Variants in KCNU1 observed in about 807,000 individuals in gnomAD.
The protein encoded by KCNU1 is potassium calcium-activated channel subfamily U member 1, also known as potassium channel subfamily U member 1.
KCNU1 carries 93 observed loss-of-function variants against 126.8 expected under a neutral mutation model. That is an observed-to-expected ratio of 0.73 (90% CI 0.62 to 0.87). KCNU1 has a LOEUF of 0.87. KCNU1 is among the 40% of genes least tolerant of loss of function. KCNU1 has a pLI of 0.00. For missense variants in KCNU1, 1,330 were observed against 1,367.1 expected (o/e 0.97, Z 0.43); for synonymous variants, 523 against 494.2 (o/e 1.06, Z -0.77).
At chr8:36,815,760 T>C (rs760390101) in intron 9 of KCNU1, 73 bp downstream of exon 9, 2 of 861,386 alleles carry the variant, frequency 2.3e-6, no homozygotes, top group Non-Finnish European at 3.7e-6. Context: ...TCTAGACATC[T>C]ATTGTCTGGC....
chr8:36,870,517 G>A (rs1806063842), intron 19 of KCNU1, among the ~76,000 whole-genome samples: 1 of 152,094 alleles, frequency 6.6e-6, no homozygotes, highest in East Asian at 1.9e-4. Flanking sequence ...TAGCCTCAAT[G>A]ATGTCTGAAC....
Position 36,886,011 on chromosome 8 carries a change from C to A in KCNU1, c.2010-19697C>A, listed in dbSNP as rs181674221. Among the ~76,000 whole-genome samples, 254 of 152,258 alleles carry A rather than the reference C, an allele frequency of 1.7e-3. 3 individuals carry two copies. The highest frequency in any genetic ancestry group is 0.013 in the South Asian group (63 of 4,822). Reference sequence around the variant, plus strand: ...CTCCAAAAACAGACCCACGAAAAATCTGAGACTTCATCATACAATCATATA... The same window carrying A: ...CTCCAAAAACAGACCCACGAAAAATATGAGACTTCATCATACAATCATATA... On this transcript the variant is annotated intron_variant, in intron 19 of 26. Transcript: ENST00000399881.
At chr8:36,826,202 A>ATTTAT (rs1222096567) in intron 10 of KCNU1, among the ~76,000 whole-genome samples, 24 of 147,436 alleles carry the variant, frequency 1.6e-4, no homozygotes, top group Non-Finnish European at 3.3e-4. Context: ...ATTTTTTATT[A>ATTTAT]TTTATTTTAT....
chr8:36,808,790 C>T lies in KCNU1; in HGVS notation c.729C>T (p.His243=). Residue 243 remains histidine (H), a synonymous_variant, in exon 7 of 27, where the codon CAC becomes CAT. Transcript: ENST00000399881. ...GGTTCACAGCTGCGGGATTCATTCA[C>T]CTGGTAAGCATCTCATCACAATCCC... is the stretch of plus-strand genomic sequence containing the variant. ...STWFTAAGFI[H]LVENSGDPWL... 5 of 1,607,906 alleles carry T rather than the reference C, an allele frequency of 3.1e-6. No individual in the cohort carries two copies. Among genetic ancestry groups the T allele is most frequent in the Non-Finnish European group, 4.3e-6 (5 of 1,175,670 alleles).
In KCNU1 at chr8:36,910,999, T is replaced by TC; in HGVS notation, c.2408dup (p.Pro804ThrfsTer27). The stretch of plus-strand genomic sequence containing the variant: ...GCAATGCTCCATGTGTGCTGTCTTG[T>TC]CCCCCCCACCCCAGCCATCAAGCAA... On this transcript the variant is annotated frameshift_variant, in exon 22 of 27. Transcript: ENST00000399881. LOFTEE classifies it high-confidence loss of function. The TC allele has an allele frequency of 1.2e-6, 2 of 1,612,212 alleles. No individual in the cohort carries two copies. The highest frequency in any genetic ancestry group is 2.2e-5 in the South Asian group (2 of 90,974).
At chr8:36,896,247 T>C (rs1173717510) in intron 19 of KCNU1, among the ~76,000 whole-genome samples, 1 of 152,026 alleles carries the variant, frequency 6.6e-6, no homozygotes, top group African/African-American at 2.4e-5. Flanking sequence ...CGATTTAGCC[T>C]CTTGGCCTGA....
intron 24 of KCNU1, among the ~76,000 whole-genome samples, chr8:36,923,764 T>A (rs1355035287): frequency 2.6e-5 from 4 of 152,182 alleles, no homozygotes; most frequent in Non-Finnish European, 5.9e-5. Flanking sequence ...CTTAAACTTA[T>A]ACCCAATTTG....
intron 22 of KCNU1, among the ~76,000 whole-genome samples, chr8:36,917,695 T>C (rs1286791810): frequency 6.6e-6 from 1 of 152,150 alleles, no homozygotes; most frequent in Non-Finnish European, 1.5e-5. Flanking sequence ...TTAGTTTAAG[T>C]TGGAGACTAA....
rs550311342 is a variant in KCNU1 at position 36,907,504 on chromosome 8, CAATT to C, written c.2106+1702_2106+1705del. On this transcript the variant is annotated intron_variant, in intron 20 of 26. Coordinates refer to ENST00000399881, the MANE Select transcript of KCNU1 (RefSeq NM_001031836.3). ...TAAAACTAATCGGATTAGCTAGAGACAATTATTTAATAGATTTGGTTAAGATTCA... is the reference window on the plus strand; with the variant it reads ...TAAAACTAATCGGATTAGCTAGAGACATTTAATAGATTTGGTTAAGATTCA... Among the ~76,000 whole-genome samples, 573 of 152,228 alleles carry C rather than the reference CAATT, an allele frequency of 3.8e-3. 7 individuals are homozygous for C. Among genetic ancestry groups the C allele is most frequent in the African/African-American group, 0.013 (561 of 41,564 alleles).
Position 36,802,108 on chromosome 8 carries a change from CAAAAAAA to C in KCNU1, c.316-1901_316-1895del, listed in dbSNP as rs749026223. ...TGGGGAAAAGAGCGAAACTCCGTCT[CAAAAAAA>C]AAAAAAAAAAAAAAAAAGGAACTTA... On this transcript the variant is annotated intron_variant, in intron 2 of 26. Coordinates refer to ENST00000399881, the MANE Select transcript of KCNU1 (RefSeq NM_001031836.3). Among the ~76,000 whole-genome samples the C allele has an allele frequency of 1.1e-3, 76 of 72,354 alleles. 1 individual carries two copies. Among genetic ancestry groups the C allele is most frequent in the South Asian group, 0.01 (17 of 1,694 alleles). 47.5% of individuals were successfully genotyped at this position (72,354 alleles called of 152,430 possible).
Position 36,834,257 on chromosome 8 carries a change from A to T in KCNU1, c.1213-529A>T, listed in dbSNP as rs1287516819. ...GTTGAAAGCCAAGATCTATAGAGTA[A>T]ACATGAAGAATTGACAGACCCAGAA... On this transcript the variant is annotated intron_variant, in intron 11 of 26. Coordinates refer to ENST00000399881, the MANE Select transcript of KCNU1 (RefSeq NM_001031836.3). Among the ~76,000 whole-genome samples, 6 of 152,282 alleles carry T rather than the reference A, an allele frequency of 3.9e-5. No individual in the cohort carries two copies. In the East Asian group the frequency reaches 9.7e-4, roughly 25 times the overall value.
chr8:36,907,052 T>G (rs909844660), intron 20 of KCNU1, among the ~76,000 whole-genome samples: 2 of 152,292 alleles, frequency 1.3e-5, no homozygotes, highest in African/African-American at 4.8e-5. Flanking sequence ...GATATTTCCC[T>G]TATGATACTT....
chr8:36,922,051 T>A (rs2117584637), intron 23 of KCNU1, among the ~76,000 whole-genome samples: 1 of 152,316 alleles, frequency 6.6e-6, no homozygotes, highest in South Asian at 2.1e-4. Context: ...GGAACCCAAG[T>A]AAATACCAAG....
chr8:36,858,205 C>T (rs1044785787), intron 18 of KCNU1, among the ~76,000 whole-genome samples: 182 of 132,664 alleles, frequency 1.4e-3, no homozygotes, highest in African/African-American at 4.8e-3. Flanking sequence ...AAAAACTGTT[C>T]GTATGTAATT....
chr8:36,874,230 T>C (rs1488035236), intron 19 of KCNU1, among the ~76,000 whole-genome samples: 9 of 152,106 alleles, frequency 5.9e-5, no homozygotes, highest in African/African-American at 2.2e-4. Flanking sequence ...AGCCGAGTAG[T>C]CACCATTCTT....
intron 10 of KCNU1, among the ~76,000 whole-genome samples, chr8:36,822,717 C>G (rs930348196): frequency 6.6e-6 from 1 of 152,002 alleles, no homozygotes; most frequent in South Asian, 2.1e-4. Flanking sequence ...AAAGAATACA[C>G]AAATAGATAT....
At chr8:36,829,695 A>T (rs1396481467) in intron 10 of KCNU1, among the ~76,000 whole-genome samples, 1 of 151,256 alleles carries the variant, frequency 6.6e-6, no homozygotes, top group Non-Finnish European at 1.5e-5. Flanking sequence ...AATCTAATTG[A>T]AAGTTTAGAT....
intron 19 of KCNU1, among the ~76,000 whole-genome samples, chr8:36,885,867 A>T (rs1018241198): frequency 1.3e-5 from 2 of 152,150 alleles, no homozygotes; most frequent in Non-Finnish European, 2.9e-5. Flanking sequence ...CAGGGAAAAA[A>T]TACTTTCCCA....
rs192518758 is a variant in KCNU1 at position 36,852,849 on chromosome 8, T to A, written c.1891+6950T>A. 4.7e-4 allele frequency among the ~76,000 whole-genome samples: 72 copies of A among 152,302 alleles called. 3 individuals are homozygous for A. In the East Asian group the frequency reaches 8.7e-3, roughly 18 times the overall value. ...CTTGCTACAATGTTTATCTATTTTG[T>A]TGATCTTTTCAAAAAGAACAACTTT... On this transcript the variant is annotated intron_variant, in intron 18 of 26. Coordinates refer to ENST00000399881, the MANE Select transcript of KCNU1 (RefSeq NM_001031836.3).
Sources: gnomAD v4.1 joint callset for allele counts (sites outside exome capture counted in the v4.1 genomes callset) on GRCh38, gnomAD v4.1.1 for gene constraint, MANE v1.5 for transcripts, NCBI Gene and HGNC (gene_info 2026-07-23, HGNC 2026-07-21) for gene names.